The following PTPRK variants were observed in gnomAD, a reference collection of about 807,000 sequenced individuals.
PTPRK encodes protein tyrosine phosphatase receptor type K.
Under a neutral mutation model 178.0 loss-of-function variants are expected in PTPRK, and 75 were observed. The observed-to-expected ratio is 0.42, with a 90% confidence interval of 0.35 to 0.51. The LOEUF is 0.51. Among genes scored for constraint, PTPRK ranks in the 20% least tolerant of loss-of-function variants. PTPRK has a pLI of 0.02. For synonymous variants in PTPRK, 637 were observed against 620.6 expected (o/e 1.03, Z -0.39); for missense variants, 1,441 against 1,797.8 (o/e 0.80, Z 3.59).
chr6:128,369,137 G>GATTATCCTGAAA, intron 2 of PTPRK, among the ~76,000 whole-genome samples: 1 of 1,580 alleles, frequency 6.3e-4, no homozygotes, highest in Non-Finnish European at 3.8e-3. Context: ...AAGGGAAAGA[G>GATTATCCTGAAA]GTTATTTCCC....
At chr6:128,140,984 T>C (rs999808584) in intron 7 of PTPRK, among the ~76,000 whole-genome samples, 2 of 151,976 alleles carry the variant, frequency 1.3e-5, no homozygotes, top group African/African-American at 4.8e-5. Context: ...AGACTATCTC[T>C]GTATCCCTCT....
At chr6:128,439,422 A>C (rs948630699) in intron 1 of PTPRK, among the ~76,000 whole-genome samples, 4 of 152,212 alleles carry the variant, frequency 2.6e-5, no homozygotes, top group Non-Finnish European at 5.9e-5. Context: ...TATTCCCACT[A>C]ATGTAATTTG....
chr6:128,515,608 A>T (rs1857876328), intron 1 of PTPRK, among the ~76,000 whole-genome samples: 1 of 152,238 alleles, frequency 6.6e-6, no homozygotes, highest in Non-Finnish European at 1.5e-5. Flanking sequence ...TGATTTCAAT[A>T]AACAAGTCAA....
chr6:128,293,152 G>T (rs1173746593), intron 3 of PTPRK, among the ~76,000 whole-genome samples: 1 of 151,924 alleles, frequency 6.6e-6, no homozygotes, highest in Non-Finnish European at 1.5e-5. Flanking sequence ...AATAAGTGGA[G>T]GTAGCCATTG....
intron 13 of PTPRK, among the ~76,000 whole-genome samples, chr6:128,041,958 C>G (rs1308740269): frequency 1.3e-5 from 2 of 151,832 alleles, no homozygotes; most frequent in Admixed American, 1.3e-4. Flanking sequence ...TTGGAAATCA[C>G]CTTACCTCAT....
At chr6:128,459,449 T>C (rs953439130) in intron 1 of PTPRK, among the ~76,000 whole-genome samples, 3 of 152,178 alleles carry the variant, frequency 2.0e-5, no homozygotes, top group Admixed American at 2.0e-4. Context: ...GGATCACCTA[T>C]GAATTCTGAA....
chr6:128,081,414 G>A (rs1405797542), intron 10 of PTPRK, among the ~76,000 whole-genome samples: 1 of 151,826 alleles, frequency 6.6e-6, no homozygotes, highest in Admixed American at 6.6e-5. Context: ...AATTTTTAAA[G>A]TTTGTATTAT....
At chr6:127,991,925 C>T (rs1158171359) in intron 19 of PTPRK, among the ~76,000 whole-genome samples, 2 of 151,792 alleles carry the variant, frequency 1.3e-5, no homozygotes, top group East Asian at 3.9e-4. Context: ...CCACTATGGT[C>T]GATCTTTCTA....
intron 7 of PTPRK, among the ~76,000 whole-genome samples, chr6:128,163,693 T>G (rs2114614563): frequency 6.6e-6 from 1 of 151,638 alleles, no homozygotes; most frequent in East Asian, 1.9e-4. Context: ...CAACAGAAAC[T>G]ATAATACATA....
intron 13 of PTPRK, among the ~76,000 whole-genome samples, chr6:128,031,021 A>G (rs1775236059): frequency 6.6e-6 from 1 of 152,238 alleles, no homozygotes; most frequent in African/African-American, 2.4e-5. Context: ...TTCAAATTTG[A>G]AAGAAATACT....
chr6:128,010,546 A>T (rs1273680499), intron 13 of PTPRK, among the ~76,000 whole-genome samples: 5 of 151,154 alleles, frequency 3.3e-5, no homozygotes, highest in Non-Finnish European at 5.9e-5. Flanking sequence ...CACTTTTCCC[A>T]ACAGCCACAG....
intron 13 of PTPRK, among the ~76,000 whole-genome samples, chr6:128,014,328 T>G (rs1366663182): frequency 6.6e-6 from 1 of 151,642 alleles, no homozygotes; most frequent in African/African-American, 2.4e-5. Context: ...GCAAGAAAAG[T>G]CCAGTGTCAC....
At chr6:128,262,242 G>C (rs956422161) in intron 3 of PTPRK, among the ~76,000 whole-genome samples, 1 of 151,964 alleles carries the variant, frequency 6.6e-6, no homozygotes, top group Non-Finnish European at 1.5e-5. Flanking sequence ...TTCTCCCTAG[G>C]TTTAAAATGT....
chr6:128,067,933 C>G (rs1782119398), intron 11 of PTPRK, 141 bp from the exon 12 acceptor site: 1 of 690,274 alleles, frequency 1.4e-6, no homozygotes, highest in African/African-American at 1.8e-5. Flanking sequence ...CTGGTATACT[C>G]TTTTCAGCTA....
chr6:128,231,860 C>T (rs1218354989), intron 5 of PTPRK, among the ~76,000 whole-genome samples: 2 of 151,536 alleles, frequency 1.3e-5, no homozygotes, highest in Non-Finnish European at 2.9e-5. Context: ...GTCTATATTA[C>T]TTCACTCTCA....
At chr6:128,242,216 T>G (rs1814596301) in intron 4 of PTPRK, among the ~76,000 whole-genome samples, 2 of 152,130 alleles carry the variant, frequency 1.3e-5, no homozygotes, top group Non-Finnish European at 2.9e-5. Context: ...TCTAGACAAT[T>G]TAATGATGCC....
chr6:127,994,536 G>A (rs1776933284), intron 18 of PTPRK, among the ~76,000 whole-genome samples: 1 of 151,756 alleles, frequency 6.6e-6, no homozygotes, highest in Admixed American at 6.6e-5. Flanking sequence ...AGGAAACTGA[G>A]GTACAGAGAG....
chr6:127,986,327 G>T (rs1775973738), intron 21 of PTPRK, among the ~76,000 whole-genome samples: 2 of 152,170 alleles, frequency 1.3e-5, no homozygotes, highest in Admixed American at 1.3e-4. Flanking sequence ...TGTTGAAAAT[G>T]GTTTTGAAGC....
At chr6:128,006,156 T>A (rs927384102) in intron 14 of PTPRK, 3 of 706,584 alleles carry the variant, frequency 4.2e-6, no homozygotes, top group South Asian at 6.3e-5. Context: ...CGTTAAAAAA[T>A]AAAATAAAAT....
Sources: gnomAD v4.1 joint callset for allele counts (sites outside exome capture counted in the v4.1 genomes callset) on GRCh38, gnomAD v4.1.1 for gene constraint, MANE v1.5 for transcripts, NCBI Gene and HGNC (gene_info 2026-07-23, HGNC 2026-07-21) for gene names.